The following GTF2IRD1 variants were observed in gnomAD, a reference collection of about 807,000 sequenced individuals.
GTF2IRD1 encodes the protein general transcription factor II-I repeat domain-containing protein 1.
In GTF2IRD1, 26 loss-of-function variants were observed where a neutral mutation model predicts 113.2. The ratio of observed to expected loss-of-function variants is 0.23; its 90% CI spans 0.17 to 0.32. The LOEUF (loss-of-function observed/expected upper bound fraction) is 0.32, where lower values mean the gene tolerates loss of function less well. Among genes scored for constraint, GTF2IRD1 ranks in the 10% least tolerant of loss-of-function variants. The pLI, the probability that GTF2IRD1 is intolerant of heterozygous loss-of-function variation, is 1.00. For synonymous variants in GTF2IRD1, 484 were observed against 529.1 expected, an observed-to-expected ratio of 0.91 and a Z score of 1.17; for missense variants, 864 against 1,280.8, an observed-to-expected ratio of 0.67 and a Z score of 4.97.
At chr7:74,547,714 C>T (rs1451173869) in intron 17 of GTF2IRD1, among the ~76,000 whole-genome samples, 5 of 150,876 alleles carry the variant, frequency 3.3e-5, no homozygotes, top group Non-Finnish European at 7.4e-5. Context: ...GCTGGGATTA[C>T]AGGTGTGAGC....
rs782334082 is a variant in GTF2IRD1 at position 74,529,846 on chromosome 7, C to A, written c.1203C>A (p.Pro401=). The A allele has an allele frequency of 6.2e-7, 1 of 1,614,112 alleles. No homozygotes were observed. ...CGGACAAGATCCCCTTCAAGCGCCC[C>A]TGCACTTATGGAGTCCCCAAGCTGA... is the stretch of plus-strand genomic sequence containing the variant. ...GIPDKIPFKR[P]CTYGVPKLKR... Residue 401 remains proline, a synonymous_variant, in exon 9 of 27, where the codon CCC becomes CCA. Coordinates refer to ENST00000424337, the MANE Select transcript of GTF2IRD1 (RefSeq NM_005685.4).
rs1438237560 is a variant in GTF2IRD1 at position 74,512,212 on chromosome 7, C to T, written c.124-618C>T. Reference sequence around the variant, plus strand: ...ACTTATAATACAAAAATTAGCAAGGCGTGGTGGCGGGCGCCTGTAGTCCCA... The same window carrying T: ...ACTTATAATACAAAAATTAGCAAGGTGTGGTGGCGGGCGCCTGTAGTCCCA... On this transcript the variant is annotated intron_variant, in intron 2 of 26. Coordinates refer to ENST00000424337, the MANE Select transcript of GTF2IRD1 (RefSeq NM_005685.4). The surrounding 1 kb of genome is among the most constrained non-coding windows in gnomAD (Gnocchi z 4.4). Among the ~76,000 whole-genome samples, 2 of 152,034 alleles carry T rather than the reference C, an allele frequency of 1.3e-5. No individual in the cohort carries two copies. The highest frequency in any genetic ancestry group is 2.9e-5 in the Non-Finnish European group (2 of 68,014).
chr7:74,589,806 C>A, intron 22 of GTF2IRD1, 45 bp from the exon 23 acceptor site: 2 of 1,249,062 alleles, frequency 1.6e-6, no homozygotes, highest in Non-Finnish European at 2.4e-6. Context: ...GGTCCAGTGG[C>A]TAAGCTGGTG....
Position 74,477,923 on chromosome 7 carries a change from G to A in GTF2IRD1, c.-7+23747G>A, listed in dbSNP as rs1196096582. On this transcript the variant is annotated intron_variant, in intron 1 of 26. Coordinates refer to ENST00000424337, the MANE Select transcript of GTF2IRD1 (RefSeq NM_005685.4). Reference sequence around the variant, plus strand: ...GCATGTTTATGTCTGGCAAGCGAAGGGTTCTTGGGAGACAGGATCCCAGGG... The same window carrying A: ...GCATGTTTATGTCTGGCAAGCGAAGAGTTCTTGGGAGACAGGATCCCAGGG... Among the ~76,000 whole-genome samples, 3 of 152,210 alleles carry A rather than the reference G, an allele frequency of 2.0e-5. No homozygotes were observed. In the East Asian group the frequency reaches 5.8e-4, roughly 29 times the overall value.
Position 74,529,935 on chromosome 7 carries a change from C to T in GTF2IRD1, c.1274+18C>T, listed in dbSNP as rs1479363821. On this transcript the variant is annotated intron_variant, in intron 9 of 26. Transcript: ENST00000424337. ...ATTAAGAGGTGCGGGTGGGGCTGGGCGCAGTGGCTCATGCCTGTAATCCCA... is the reference window on the plus strand; with the variant it reads ...ATTAAGAGGTGCGGGTGGGGCTGGGTGCAGTGGCTCATGCCTGTAATCCCA... 6.3e-6 allele frequency: 10 copies of T among 1,586,078 alleles called. No homozygotes were observed. The highest frequency in any genetic ancestry group is 2.7e-5 in the African/African-American group (2 of 73,066).
chr7:74,595,796 G>C (rs1321619736), intron 25 of GTF2IRD1, among the ~76,000 whole-genome samples: 1 of 152,220 alleles, frequency 6.6e-6, no homozygotes, highest in African/African-American at 2.4e-5. Context: ...GGGCCTCAGG[G>C]AGGATCATGG....
At chr7:74,485,620 G>GA (rs200613636) in intron 1 of GTF2IRD1, among the ~76,000 whole-genome samples, 4,549 of 133,410 alleles carry the variant, frequency 0.034, 112 homozygotes, top group East Asian at 0.072. Context: ...CCATCTCAAA[G>GA]AAAAAAAAAA....
intron 19 of GTF2IRD1, among the ~76,000 whole-genome samples, chr7:74,557,038 C>T (rs1282534607): frequency 2.0e-5 from 3 of 152,064 alleles, no homozygotes; most frequent in Admixed American, 6.6e-5. Context: ...CTTGGGGGTT[C>T]GAGGCCAGCC....
Position 74,518,321 on chromosome 7 carries a change from A to C in GTF2IRD1, c.604A>C (p.Arg202=). ...HSHRIRFKLK[R]PLEDGGRDSK... ...CCACCGCATCCGCTTCAAGCTCAAG[A>C]GGTGAGTGAGGTAGCCGGCCCGGGG... Residue 202 remains arginine (R), a splice_region_variant and synonymous_variant, in exon 5 of 27, where the codon AGG becomes CGG. Transcript: ENST00000424337. 6.3e-7 allele frequency: 1 copy of C among 1,580,716 alleles called. No individual in the cohort carries two copies. Among genetic ancestry groups the C allele is most frequent in the Non-Finnish European group, 8.6e-7 (1 of 1,156,080 alleles).
chr7:74,501,507 G>T (rs568445073), intron 1 of GTF2IRD1, among the ~76,000 whole-genome samples: 7 of 152,134 alleles, frequency 4.6e-5, no homozygotes, highest in Non-Finnish European at 7.4e-5. Flanking sequence ...AGCGAGAGTC[G>T]TCATGGCCGA....
intron 22 of GTF2IRD1, among the ~76,000 whole-genome samples, chr7:74,562,393 C>T (rs1264303987): frequency 1.3e-5 from 2 of 152,026 alleles, no homozygotes; most frequent in African/African-American, 2.4e-5. Flanking sequence ...AGTGCCGCCT[C>T]ATTCAAGTCC....
intron 1 of GTF2IRD1, among the ~76,000 whole-genome samples, chr7:74,471,476 T>C (rs1794078436): frequency 6.6e-6 from 1 of 151,928 alleles, no homozygotes; most frequent in African/African-American, 2.4e-5. Flanking sequence ...GCCACTGCAC[T>C]CTAGCCTGGG....
chr7:74,601,399 A>G (rs898741163), intron 26 of GTF2IRD1: 4 of 1,496,828 alleles, frequency 2.7e-6, no homozygotes, highest in Non-Finnish European at 3.6e-6. Context: ...TCAGGCAGGA[A>G]TTCACATCCT....
intron 24 of GTF2IRD1, among the ~76,000 whole-genome samples, 179 bp downstream of exon 24, chr7:74,591,196 A>T (rs6945602): frequency 0.81 from 122,673 of 151,844 alleles, 49,757 homozygotes; most frequent in East Asian, 0.94. Context: ...TTTAAAGATT[A>T]TTTTTTAGAT....
chr7:74,586,045 G>A (rs1801697091), intron 22 of GTF2IRD1, among the ~76,000 whole-genome samples: 1 of 152,152 alleles, frequency 6.6e-6, no homozygotes, highest in Non-Finnish European at 1.5e-5. Context: ...ACCTCTCTGA[G>A]CCTCTGTGTC....
At chr7:74,472,771 TAATC>T (rs797041822) in intron 1 of GTF2IRD1, among the ~76,000 whole-genome samples, 22 of 152,176 alleles carry the variant, frequency 1.4e-4, no homozygotes, top group African/African-American at 5.1e-4. Context: ...AATAAATAAA[TAATC>T]AATCAATCAA....
intron 4 of GTF2IRD1, among the ~76,000 whole-genome samples, chr7:74,517,661 C>A (rs890316278): frequency 6.6e-6 from 1 of 152,022 alleles, no homozygotes; most frequent in Admixed American, 6.6e-5. Context: ...CTCAAGTGAT[C>A]CTCCCTCCTC....
chr7:74,505,352 A>C (rs1374212150), intron 1 of GTF2IRD1, among the ~76,000 whole-genome samples: 1 of 151,982 alleles, frequency 6.6e-6, no homozygotes, highest in South Asian at 2.1e-4. Context: ...CTCTCCCTCC[A>C]TCTGAGGCCC....
intron 24 of GTF2IRD1, among the ~76,000 whole-genome samples, chr7:74,592,189 G>A (rs1303804300): frequency 4.7e-5 from 7 of 149,446 alleles, no homozygotes; most frequent in East Asian, 2.0e-4. Context: ...AACCTCCACC[G>A]CCCAGGTTCA....
Sources: allele counts gnomAD v4.1 joint callset (sites outside exome capture counted in the v4.1 genomes callset), GRCh38; gene constraint gnomAD v4.1.1; non-coding constraint Gnocchi (gnomAD v3.1); transcripts MANE v1.5; gene names NCBI Gene and HGNC (gene_info 2026-07-23, HGNC 2026-07-21).